The following XRCC4 variants were observed in gnomAD, a reference collection of about 807,000 sequenced individuals.
XRCC4 encodes the protein X-ray repair cross complementing 4, also known as DNA repair protein XRCC4.
In XRCC4, 28 loss-of-function variants were observed where a neutral mutation model predicts 39.1. That is an observed-to-expected ratio of 0.72 (90% confidence interval 0.53 to 0.98). The LOEUF is 0.98. Ranked by LOEUF, XRCC4 falls within the 50% of genes least tolerant of loss-of-function variation. XRCC4 has a pLI of 0.00. For missense variants in XRCC4, 350 were observed against 376.4 expected (o/e 0.93, Z 0.58); for synonymous variants, 123 against 126.4 (o/e 0.97, Z 0.18).
At chr5:83,206,500 C>T (rs535167811) in intron 6 of XRCC4, among the ~76,000 whole-genome samples, 22 of 151,974 alleles carry the variant, frequency 1.4e-4, no homozygotes, top group Admixed American at 1.1e-3. Flanking sequence ...AACATATTCA[C>T]TGGATTGGTG....
At chr5:83,212,108 G>A (rs1457955443) in intron 6 of XRCC4, among the ~76,000 whole-genome samples, 1 of 151,572 alleles carries the variant, frequency 6.6e-6, no homozygotes, top group Non-Finnish European at 1.5e-5. Context: ...GTATGTTTAT[G>A]TGTATATGTA....
intron 6 of XRCC4, among the ~76,000 whole-genome samples, chr5:83,246,516 T>C (rs1273499988): frequency 6.6e-6 from 1 of 152,196 alleles, no homozygotes; most frequent in Non-Finnish European, 1.5e-5. Flanking sequence ...TATATTCTAC[T>C]TATATAATCT....
chr5:83,267,655 C>A (rs943810940), intron 7 of XRCC4, among the ~76,000 whole-genome samples: 1 of 152,102 alleles, frequency 6.6e-6, no homozygotes, highest in African/African-American at 2.4e-5. Flanking sequence ...GGGAGCAGGG[C>A]AGCATACCCA....
intron 4 of XRCC4, among the ~76,000 whole-genome samples, chr5:83,199,438 T>C (rs763225552): frequency 6.6e-6 from 1 of 152,164 alleles, no homozygotes; most frequent in Non-Finnish European, 1.5e-5. Context: ...TTAGCTTTCT[T>C]TGTCTTCCCA....
intron 3 of XRCC4, among the ~76,000 whole-genome samples, chr5:83,136,800 C>T (rs1397743243): frequency 6.6e-6 from 1 of 152,020 alleles, no homozygotes; most frequent in Non-Finnish European, 1.5e-5. Context: ...TAGGCATTTT[C>T]TTTATTTTTA....
At chr5:83,121,230 A>G (rs1415602853) in intron 3 of XRCC4, among the ~76,000 whole-genome samples, 1 of 152,192 alleles carries the variant, frequency 6.6e-6, no homozygotes, top group African/African-American at 2.4e-5. Context: ...TTTGGACTAT[A>G]ACCAATAAAG....
At chr5:83,234,350 A>G (rs1490719911) in intron 6 of XRCC4, among the ~76,000 whole-genome samples, 1 of 152,148 alleles carries the variant, frequency 6.6e-6, no homozygotes, top group Non-Finnish European at 1.5e-5. Flanking sequence ...TTTTCATAAT[A>G]TGCATTCTTA....
At chr5:83,251,758 G>C (rs1183997902) in intron 6 of XRCC4, among the ~76,000 whole-genome samples, 1 of 152,144 alleles carries the variant, frequency 6.6e-6, no homozygotes, top group Non-Finnish European at 1.5e-5. Flanking sequence ...ACTTATAGCT[G>C]TACTGGCTAA....
intron 7 of XRCC4, among the ~76,000 whole-genome samples, chr5:83,298,865 C>T (rs551530640): frequency 7.6e-4 from 116 of 152,104 alleles, no homozygotes; most frequent in African/African-American, 2.7e-3. Flanking sequence ...GCTCCCTTAA[C>T]TTCCTTTAAT....
rs143112937 is a variant in XRCC4 at position 83,310,194 on chromosome 5, A to C, written c.894-42937A>C. ...GAAGTGATGGGGGAAGATTTTAGGA[A>C]GCAGTAAGAATATTTTTTGGTCACT... On this transcript the variant is annotated intron_variant, in intron 7 of 7. Coordinates refer to ENST00000396027, the MANE Select transcript of XRCC4 (RefSeq NM_003401.5). Among the ~76,000 whole-genome samples the C allele has an allele frequency of 4.0e-3, 603 of 152,308 alleles. 7 individuals carry two copies. The highest frequency in any genetic ancestry group is 0.013 in the African/African-American group (561 of 41,572).
intron 3 of XRCC4, among the ~76,000 whole-genome samples, chr5:83,117,089 A>G (rs1440124382): frequency 6.6e-6 from 1 of 152,182 alleles, no homozygotes; most frequent in African/African-American, 2.4e-5. Flanking sequence ...TTTATAGATA[A>G]CATAGATCCT....
chr5:83,316,436 G>C (rs1419800321), intron 7 of XRCC4, among the ~76,000 whole-genome samples: 1 of 151,234 alleles, frequency 6.6e-6, no homozygotes, highest in African/African-American at 2.4e-5. Context: ...AGACCCATCA[G>C]TGTGCTGTAT....
chr5:83,266,826 C>T (rs1168133019), intron 7 of XRCC4, among the ~76,000 whole-genome samples: 1 of 152,056 alleles, frequency 6.6e-6, no homozygotes, highest in Non-Finnish European at 1.5e-5. Flanking sequence ...TTGGATAAAG[C>T]AGTGTTATCA....
chr5:83,238,031 A>G (rs897016309), intron 6 of XRCC4, among the ~76,000 whole-genome samples: 1 of 152,152 alleles, frequency 6.6e-6, no homozygotes, highest in African/African-American at 2.4e-5. Flanking sequence ...TATTATGAAG[A>G]TAACATAAAT....
chr5:83,139,322 ATGT>A (rs762692490), intron 3 of XRCC4, among the ~76,000 whole-genome samples: 1 of 152,268 alleles, frequency 6.6e-6, no homozygotes, highest in Non-Finnish European at 1.5e-5. Context: ...CATAGAAATG[ATGT>A]TGTACCTTTC....
In XRCC4 at chr5:83,349,527, C is replaced by G. The variant is rs118143201; in HGVS notation, c.894-3604C>G. On this transcript the variant is annotated intron_variant, in intron 7 of 7. Transcript: ENST00000396027. ...ACTGAGTACCTGTTATGACTAGGCACTATGAACAGGGGTCAAAATCTATTT... is the reference window on the plus strand; with the variant it reads ...ACTGAGTACCTGTTATGACTAGGCAGTATGAACAGGGGTCAAAATCTATTT... Among the ~76,000 whole-genome samples, 104 of 152,294 alleles carry G rather than the reference C, an allele frequency of 6.8e-4. 2 individuals are homozygous for G. In the East Asian group the frequency reaches 0.019, roughly 28 times the overall value.
At chr5:83,229,889 AAATT>A (rs940104500) in intron 6 of XRCC4, among the ~76,000 whole-genome samples, 12 of 151,888 alleles carry the variant, frequency 7.9e-5, no homozygotes, top group Admixed American at 2.6e-4. Flanking sequence ...AGATTATTGA[AAATT>A]AAATAAAGTG....
chr5:83,232,814 C>A (rs1464546369), intron 6 of XRCC4, among the ~76,000 whole-genome samples: 1 of 152,100 alleles, frequency 6.6e-6, no homozygotes, highest in Non-Finnish European at 1.5e-5. Flanking sequence ...AGATTCTGTG[C>A]AGCTAGTTGC....
chr5:83,189,076 G>A (rs1171895094), intron 3 of XRCC4, among the ~76,000 whole-genome samples: 3 of 152,152 alleles, frequency 2.0e-5, no homozygotes, highest in Admixed American at 2.0e-4. Context: ...TCTTCTAGCT[G>A]GTTGAGTCCA....
Sources: gnomAD v4.1 joint callset for allele counts (sites outside exome capture counted in the v4.1 genomes callset) on GRCh38, gnomAD v4.1.1 for gene constraint, MANE v1.5 for transcripts, NCBI Gene and HGNC (gene_info 2026-07-23, HGNC 2026-07-21) for gene names.